ZNF69: variants seen among roughly 807,000 people sequenced by gnomAD.
ZNF69 encodes the protein zinc finger protein 69.
A neutral mutation model predicts 50.9 loss-of-function variants in ZNF69; 47 were observed. That is an observed-to-expected ratio of 0.92 (90% CI 0.73 to 1.18). The LOEUF (loss-of-function observed/expected upper bound fraction) is 1.18. Among genes scored for constraint, ZNF69 ranks in the 50% most tolerant of loss-of-function variants. The pLI is 0.00. For missense variants in ZNF69, 717 were observed against 675.1 expected (o/e 1.06, Z -0.69); for synonymous variants, 216 against 223.1 (o/e 0.97, Z 0.29).
chr19:11,903,596 T>C lies in ZNF69; in HGVS notation c.87T>C (p.Val29=), dbSNP rs1449683895. The change falls in exon 2 of 4, where the codon GTT becomes GTC. Residue 29 remains valine, a synonymous_variant. Coordinates refer to ENST00000429654, the MANE Select transcript of ZNF69 (RefSeq NM_001364730.1). ...AGGACCCAGTGGCCTTTGATGATGT[T>C]GCTGTGAACTTCACCCAGGAGGAGT... The part of the protein sequence containing the change: ...QEMDPVAFDD[V]AVNFTQEEWA... 6.2e-7 allele frequency: 1 copy of C among 1,614,146 alleles called. No homozygotes were observed. Among genetic ancestry groups the C allele is most frequent in the Non-Finnish European group, 8.5e-7 (1 of 1,180,016 alleles).
At chr19:11,974,147 TTTCTTTCTTTCC>T in the ZNF69 span, among the ~76,000 whole-genome samples, 489 of 122,786 alleles carry the variant, frequency 4.0e-3, 8 homozygotes, top group African/African-American at 0.018. Context: ...TCTTTCTTTC[TTTCTTTCTTTCC>T]TTCCTTCCTT....
At chr19:11,963,871 C>T in the ZNF69 span, among the ~76,000 whole-genome samples, 1 of 152,334 alleles carries the variant, frequency 6.6e-6, no homozygotes, top group South Asian at 2.1e-4. Context: ...GGAGTTGCTG[C>T]AGTGTCACTG....
chr19:11,925,297 G>C, the ZNF69 span: 2 of 1,609,752 alleles, frequency 1.2e-6, no homozygotes, highest in South Asian at 2.2e-5. Context: ...ACCAGATGTC[G>C]TGAGACGGGG....
chr19:11,937,115 G>A, the ZNF69 span, among the ~76,000 whole-genome samples: 2 of 152,184 alleles, frequency 1.3e-5, no homozygotes, highest in African/African-American at 4.8e-5. Context: ...CTCATTCACA[G>A]ATCATGCTTT....
chr19:11,913,293 T>G, intron 4 of ZNF69: 2 of 521,742 alleles, frequency 3.8e-6, no homozygotes, highest in South Asian at 5.9e-5. Flanking sequence ...TGAGTCAGTA[T>G]AACCATGTGG....
At chr19:11,974,119 TTCTTTC>T in the ZNF69 span, among the ~76,000 whole-genome samples, 1 of 63,628 alleles carries the variant, frequency 1.6e-5, no homozygotes, top group Non-Finnish European at 3.3e-5. Flanking sequence ...CTTTCTTTCT[TTCTTTC>T]TTTTCTTTCT....
chr19:11,903,869 C>T, intron 2 of ZNF69, 36 bp from the exon 3 acceptor site: 3 of 1,607,598 alleles, frequency 1.9e-6, no homozygotes, highest in Non-Finnish European at 2.5e-6. Flanking sequence ...CAATTTTATA[C>T]TGCCTCAGGA....
the ZNF69 span, among the ~76,000 whole-genome samples, chr19:11,921,816 A>G: frequency 5.9e-5 from 9 of 152,166 alleles, no homozygotes; most frequent in Non-Finnish European, 1.2e-4. Flanking sequence ...AAATGGAAAT[A>G]TTTCAAAGGG....
the ZNF69 span, among the ~76,000 whole-genome samples, chr19:11,952,136 G>T: frequency 6.6e-6 from 1 of 152,022 alleles, no homozygotes; most frequent in Non-Finnish European, 1.5e-5. Context: ...CCAAGATGGC[G>T]CCATTGCACT....
the ZNF69 span, among the ~76,000 whole-genome samples, chr19:11,952,233 C>G: frequency 6.6e-6 from 1 of 152,110 alleles, no homozygotes; most frequent in Non-Finnish European, 1.5e-5. Context: ...GACTCTTGGA[C>G]CGGGTTTTGC....
chr19:11,904,621 T>G, intron 3 of ZNF69, 28 bp from the exon 4 acceptor site: 1 of 1,601,952 alleles, frequency 6.2e-7, no homozygotes, highest in Non-Finnish European at 8.5e-7. Flanking sequence ...AAACAAACCC[T>G]TTGTAATGTG....
downstream of ZNF69, among the ~76,000 whole-genome samples, chr19:11,907,439 C>T (rs369991618): frequency 1.3e-5 from 2 of 152,126 alleles, no homozygotes; most frequent in Non-Finnish European, 2.9e-5. Flanking sequence ...GTCGGGTTAC[C>T]CACAAAGGGA....
chr19:11,910,061 C>A (rs1251162541), downstream of ZNF69, among the ~76,000 whole-genome samples: 1 of 151,754 alleles, frequency 6.6e-6, no homozygotes, highest in Non-Finnish European at 1.5e-5. Flanking sequence ...TGAGTGAACT[C>A]CCATTCACAA....
At chr19:11,952,287 G>A in the ZNF69 span, among the ~76,000 whole-genome samples, 1 of 151,944 alleles carries the variant, frequency 6.6e-6, no homozygotes, top group African/African-American at 2.4e-5. Flanking sequence ...AAAATGTATG[G>A]GCACTGTTTA....
At chr19:11,915,446 T>C (rs1599268930), downstream of ZNF69, among the ~76,000 whole-genome samples, 1 of 152,290 alleles carries the variant, frequency 6.6e-6, no homozygotes, top group East Asian at 1.9e-4. Context: ...GACATTGGCC[T>C]AGACTATGGG....
At position 11,892,431 on chromosome 19, in the gene ZNF69, G is replaced by A. The variant is rs148554594; in HGVS notation, c.63+4445G>A. ...AGCCATGAAGTCTTTGTGTGAGAAA[G>A]TTAAGAGGGAAGTTAGTCTACTACA... On this transcript the variant is annotated intron_variant, in intron 1 of 3. Transcript: ENST00000429654. Among the ~76,000 whole-genome samples the A allele has an allele frequency of 6.2e-3, 938 of 152,170 alleles. 9 individuals carry two copies. The highest frequency in any genetic ancestry group is 0.022 in the African/African-American group (896 of 41,498).
At chr19:11,919,768 C>A in the ZNF69 span, among the ~76,000 whole-genome samples, 1 of 152,124 alleles carries the variant, frequency 6.6e-6, no homozygotes, top group Admixed American at 6.6e-5. Context: ...CATCTAGCTG[C>A]AAGCCAGGAA....
the ZNF69 span, chr19:11,978,047 C>A: frequency 6.4e-7 from 1 of 1,555,618 alleles, no homozygotes; most frequent in Non-Finnish European, 8.7e-7. Context: ...GTTAAAAATG[C>A]AAGTGCAATA....
At chr19:11,917,945 A>G (rs1450923947), downstream of ZNF69, among the ~76,000 whole-genome samples, 2 of 151,330 alleles carry the variant, frequency 1.3e-5, no homozygotes, top group East Asian at 1.9e-4. Flanking sequence ...CTGCAACCAC[A>G]CTCAGCTAAT....
Sources: gnomAD v4.1 joint callset for allele counts (sites outside exome capture counted in the v4.1 genomes callset) on GRCh38, gnomAD v4.1.1 for gene constraint, MANE v1.5 for transcripts, NCBI Gene and HGNC (gene_info 2026-07-23, HGNC 2026-07-21) for gene names.